Variants in SLC35F3 observed in about 807,000 individuals in gnomAD.
SLC35F3 encodes the protein putative thiamine transporter SLC35F3.
A neutral mutation model predicts 49.9 loss-of-function variants in SLC35F3; 25 were observed. That is an observed-to-expected ratio of 0.50 (90% CI 0.37 to 0.70). The LOEUF is 0.70. Among genes scored for constraint, SLC35F3 ranks in the 30% least tolerant of loss-of-function variants. The pLI is 0.00. For missense variants in SLC35F3, 525 were observed against 639.8 expected (o/e 0.82, Z 1.94); for synonymous variants, 275 against 265.4 (o/e 1.04, Z -0.35).
intron 2 of SLC35F3, among the ~76,000 whole-genome samples, chr1:234,187,543 G>A (rs751231213): frequency 2.0e-5 from 3 of 152,140 alleles, no homozygotes; most frequent in Non-Finnish European, 2.9e-5. Flanking sequence ...TGAAGGAAGC[G>A]GATTACTCCC....
intron 7 of SLC35F3, among the ~76,000 whole-genome samples, chr1:234,321,034 A>C (rs1657606997): frequency 1.2e-5 from 1 of 84,006 alleles, no homozygotes; most frequent in Non-Finnish European, 2.1e-5. Context: ...CCATTAAAAG[A>C]TTGCCCCCCC....
intron 2 of SLC35F3, among the ~76,000 whole-genome samples, chr1:234,188,490 A>G (rs1666681023): frequency 6.6e-6 from 1 of 152,078 alleles, no homozygotes; most frequent in Non-Finnish European, 1.5e-5. Flanking sequence ...TCTTGGGAAC[A>G]CAATTCTATT....
intron 2 of SLC35F3, among the ~76,000 whole-genome samples, chr1:233,918,759 T>C (rs536315441): frequency 6.6e-6 from 1 of 151,264 alleles, no homozygotes; most frequent in South Asian, 2.1e-4. Context: ...AGAGTGAGAC[T>C]CCGTCTCTCT....
chr1:234,318,089 A>C (rs1001453743), intron 5 of SLC35F3, among the ~76,000 whole-genome samples: 2 of 152,222 alleles, frequency 1.3e-5, no homozygotes, highest in African/African-American at 4.8e-5. Context: ...CAGAGACTCA[A>C]ATTGGACCAC....
chr1:234,023,780 G>A (rs1378026982), intron 2 of SLC35F3, among the ~76,000 whole-genome samples: 2 of 151,690 alleles, frequency 1.3e-5, no homozygotes, highest in Non-Finnish European at 2.9e-5. Context: ...TTACCTCCAT[G>A]GTCTTCTTCC....
intron 2 of SLC35F3, among the ~76,000 whole-genome samples, chr1:234,181,932 G>A (rs920662404): frequency 5.9e-5 from 9 of 152,126 alleles, no homozygotes; most frequent in Non-Finnish European, 1.2e-4. Context: ...AGATTGTCCA[G>A]TAGTTATATT....
At chr1:234,250,813 G>A (rs1049944205) in intron 3 of SLC35F3, among the ~76,000 whole-genome samples, 1 of 152,092 alleles carries the variant, frequency 6.6e-6, no homozygotes. Flanking sequence ...AAAGAGAGAG[G>A]AGGGGGCACC....
intron 2 of SLC35F3, among the ~76,000 whole-genome samples, chr1:234,226,623 G>A (rs148311504): frequency 1.3e-5 from 2 of 151,510 alleles, no homozygotes; most frequent in Admixed American, 1.3e-4. Flanking sequence ...ATGGGACTAA[G>A]GATGTGCCTT....
chr1:234,308,998 C>G (rs2102993792), intron 3 of SLC35F3, 103 bp from the exon 4 acceptor site: 2 of 759,244 alleles, frequency 2.6e-6, no homozygotes, highest in Non-Finnish European at 4.2e-6. Context: ...AAAACCCTGC[C>G]CCTTCCTATA....
At chr1:234,042,714 T>G in intron 2 of SLC35F3, among the ~76,000 whole-genome samples, 1 of 152,222 alleles carries the variant, frequency 6.6e-6, no homozygotes. Flanking sequence ...CTTCGAGAGT[T>G]TATTTCCATC....
At chr1:233,983,795 T>C (rs1397162254) in intron 2 of SLC35F3, among the ~76,000 whole-genome samples, 1 of 152,156 alleles carries the variant, frequency 6.6e-6, no homozygotes, top group Non-Finnish European at 1.5e-5. Flanking sequence ...ACCATTTCTC[T>C]CAGTCAAAAT....
chr1:233,925,233 T>A (rs1402784452), intron 2 of SLC35F3, among the ~76,000 whole-genome samples: 1 of 152,116 alleles, frequency 6.6e-6, no homozygotes, highest in Non-Finnish European at 1.5e-5. Context: ...GACAGTGGGG[T>A]GTTAAAGTCT....
chr1:234,030,204 G>A (rs779539616), intron 2 of SLC35F3, among the ~76,000 whole-genome samples: 4 of 152,064 alleles, frequency 2.6e-5, no homozygotes, highest in Admixed American at 6.6e-5. Context: ...CCACAGAAAC[G>A]GTGACCCTTC....
chr1:234,280,371 G>A (rs1668303491), intron 3 of SLC35F3, among the ~76,000 whole-genome samples: 1 of 152,224 alleles, frequency 6.6e-6, no homozygotes, highest in South Asian at 2.1e-4. Context: ...TATAATTAGA[G>A]TAAGAGTAAC....
At chr1:234,297,743 C>CAA (rs57703297) in intron 3 of SLC35F3, among the ~76,000 whole-genome samples, 22 of 124,452 alleles carry the variant, frequency 1.8e-4, no homozygotes, top group South Asian at 5.0e-4. Flanking sequence ...TACCCTGTCT[C>CAA]AAAAAAAAAA....
Position 234,089,022 on chromosome 1 carries a change from A to G in SLC35F3, c.284-142395A>G, listed in dbSNP as rs570352387. On this transcript the variant is annotated intron_variant, in intron 2 of 7. Coordinates refer to ENST00000366618, the MANE Select transcript of SLC35F3 (RefSeq NM_173508.4). ...AGCAATCTGCCCACCTCGGCCCCCCAGAGTGCTGGGATTACAGGCATTAGC... is the reference window on the plus strand; with the variant it reads ...AGCAATCTGCCCACCTCGGCCCCCCGGAGTGCTGGGATTACAGGCATTAGC... Among the ~76,000 whole-genome samples the G allele has an allele frequency of 3.3e-5, 5 of 152,310 alleles. No homozygotes were observed. The East Asian group carries it at 9.6e-4, about 29-fold the overall frequency.
intron 2 of SLC35F3, among the ~76,000 whole-genome samples, chr1:233,925,371 C>T (rs1166221534): frequency 2.0e-5 from 3 of 152,152 alleles, no homozygotes; most frequent in Non-Finnish European, 4.4e-5. Flanking sequence ...TGAATTGATC[C>T]CTTTACCATT....
At chr1:234,086,422 T>C (rs1366917327) in intron 2 of SLC35F3, among the ~76,000 whole-genome samples, 2 of 152,202 alleles carry the variant, frequency 1.3e-5, no homozygotes, top group African/African-American at 4.8e-5. Context: ...GAAGCAGAAA[T>C]CCAACTGTTT....
chr1:234,319,042 CT>C, intron 6 of SLC35F3, 99 bp downstream of exon 6: 7 of 990,748 alleles, frequency 7.1e-6, no homozygotes, highest in Non-Finnish European at 1.1e-5. Flanking sequence ...GTGCTCTTTG[CT>C]ATTCTTTAGT....
Sources: allele counts gnomAD v4.1 joint callset (sites outside exome capture counted in the v4.1 genomes callset), GRCh38; gene constraint gnomAD v4.1.1; transcripts MANE v1.5; gene names NCBI Gene and HGNC (gene_info 2026-07-23, HGNC 2026-07-21).